RAB42: variants seen among roughly 807,000 people sequenced by gnomAD.
RAB42 encodes RAB42, member RAS oncogene family.
Under a neutral mutation model 7.5 loss-of-function variants are expected in RAB42, and 4 were observed. That is an observed-to-expected ratio of 0.53 (90% CI 0.26 to 1.22). The LOEUF (loss-of-function observed/expected upper bound fraction) is 1.22. Ranked by LOEUF, RAB42 falls within the 50% of genes most tolerant of loss-of-function variation. The pLI, the probability that RAB42 is intolerant of heterozygous loss-of-function variation, is 0.13. For synonymous variants in RAB42, 82 were observed against 129.0 expected, an observed-to-expected ratio of 0.64 and a Z score of 2.47; for missense variants, 208 against 281.2, an observed-to-expected ratio of 0.74 and a Z score of 1.86.
chr1:28,595,665 C>T (rs1023605651), downstream of RAB42, among the ~76,000 whole-genome samples: 3 of 151,948 alleles, frequency 2.0e-5, no homozygotes, highest in African/African-American at 7.3e-5. Context: ...CCAGCACTTT[C>T]GGAGGCCTAG....
chr1:28,594,252 AT>A lies in RAB42; in HGVS notation c.*139del. 1.1e-6 allele frequency: 1 copy of A among 943,206 alleles called. No individual in the cohort carries two copies. Among genetic ancestry groups the A allele is most frequent in the Non-Finnish European group, 1.5e-6 (1 of 651,088 alleles). The allele number at this position is 943,206 out of a possible 1,614,324, so 58.4% of individuals were successfully genotyped here. ...ATCCTGACACAGTCATGCTTCCTGG[AT>A]TTTGGAGTCGAGGCTTTCTACAGAA... On this transcript the variant is annotated 3_prime_UTR_variant, in exon 2 of 2. Coordinates refer to ENST00000465518, the MANE Select transcript of RAB42 (RefSeq NM_001193532.3).
At chr1:28,596,195 C>G (rs74987515), downstream of RAB42, among the ~76,000 whole-genome samples, 951 of 152,090 alleles carry the variant, frequency 6.3e-3, 12 homozygotes, top group Middle Eastern at 0.027. Flanking sequence ...TATCCATTAC[C>G]TCAGACATTT....
chr1:28,593,261 T>G (rs2124267603), intron 1 of RAB42, among the ~76,000 whole-genome samples: 1 of 151,900 alleles, frequency 6.6e-6, no homozygotes, highest in East Asian at 1.9e-4. Context: ...TGGGGTGCAG[T>G]GGTGCGATCT....
rs1043626355 is a variant in RAB42 at position 28,592,435 on chromosome 1, CCGGCGGGGCCCCGGGCAGGGGCGGGGT to C, written c.-73_-47del. On this transcript the variant is annotated 5_prime_UTR_variant, in exon 1 of 2. Transcript: ENST00000465518. This position sits in a 1 kb window ranked among gnomAD's most constrained non-coding sequence, Gnocchi z 4.1. ...TGGGCGCGGGGAGCGGGGGGCGGCG[CCGGCGGGGCCCCGGGCAGGGGCGGGGT>C]CGGGGCGCGGACAAAACCGCCGCGG... 3.1e-4 allele frequency: 220 copies of C among 712,662 alleles called. 2 individuals are homozygous for C. In the East Asian group the frequency reaches 1.0e-2, roughly 32 times the overall value. 44.1% of individuals were successfully genotyped at this position (712,662 alleles called of 1,614,324 possible). A position where few individuals can be genotyped will look rare whatever the true frequency, so the allele number is the denominator to read the frequency against.
In RAB42 at chr1:28,594,328, A is replaced by G. The variant is rs1666393002; in HGVS notation, c.*211A>G. On this transcript the variant is annotated 3_prime_UTR_variant, in exon 2 of 2. Transcript: ENST00000465518. ...GGTGGCTCACGCCTGTAATCCTAGC[A>G]TTTTTGGAGGCCAAGGACAGTGGAT... 1 of 558,054 alleles carries G rather than the reference A, an allele frequency of 1.8e-6. No individual in the cohort carries two copies. Among genetic ancestry groups the G allele is most frequent in the Non-Finnish European group, 3.1e-6 (1 of 319,842 alleles). 34.6% of individuals were successfully genotyped at this position (558,054 alleles called of 1,614,324 possible).
chr1:28,592,569 G>A lies in RAB42; in HGVS notation c.58G>A (p.Val20Met). The change falls in exon 1 of 2, where the codon GTG (valine) becomes ATG (methionine). Residue 20 changes from valine to methionine, a missense_variant. Coordinates refer to ENST00000465518, the MANE Select transcript of RAB42 (RefSeq NM_001193532.3). This position sits in a 1 kb window ranked among gnomAD's most constrained non-coding sequence, Gnocchi z 4.1. ...FRVALLGDAA[V>M]GKTSLLRSYV... The stretch of plus-strand genomic sequence containing the variant: ...GGTCGCGCTGCTGGGGGACGCGGCG[G>A]TGGGCAAGACGTCGCTGCTGCGGAG... 8.2e-7 allele frequency: 1 copy of A among 1,218,120 alleles called. No individual in the cohort carries two copies. Among genetic ancestry groups the A allele is most frequent in the Non-Finnish European group, 1.0e-6 (1 of 979,122 alleles). 75.5% of individuals were successfully genotyped at this position (1,218,120 alleles called of 1,614,324 possible). A position where few individuals can be genotyped will look rare whatever the true frequency, so the allele number is the denominator to read the frequency against.
rs1194504988 is a variant in RAB42 at position 28,592,622 on chromosome 1, G to C, written c.111G>C (p.Pro37=). The change falls in exon 1 of 2, where the codon CCG becomes CCC. Residue 37 remains proline (P), a synonymous_variant. Coordinates refer to ENST00000465518, the MANE Select transcript of RAB42 (RefSeq NM_001193532.3). This position sits in a 1 kb window ranked among gnomAD's most constrained non-coding sequence, Gnocchi z 4.1. The stretch of plus-strand genomic sequence containing the variant: ...ACGTGGCAGGCGCGCCTGGCGCCCC[G>C]GAGCCGGAGCCCGAGCCCGAGCCCA... ...RSYVAGAPGA[P]EPEPEPEPTV... The C allele has an allele frequency of 8.2e-7, 1 of 1,223,120 alleles. No individual in the cohort carries two copies. The highest frequency in any genetic ancestry group is 3.2e-5 in the East Asian group (1 of 31,040). 75.8% of individuals were successfully genotyped at this position (1,223,120 alleles called of 1,614,324 possible).
In RAB42 at chr1:28,594,885, G is replaced by A. The variant is rs1346763970; in HGVS notation, c.*768G>A. On this transcript the variant is annotated 3_prime_UTR_variant, in exon 2 of 2. Transcript: ENST00000465518. ...CTGATGCATGGGCAAAGGCAGGTGC[G>A]GGGAATTCCAGGGGGAGCTTGGCTT... 1.8e-5 allele frequency: 3 copies of A among 167,268 alleles called. No homozygotes were observed. Among genetic ancestry groups the A allele is most frequent in the East Asian group, 3.8e-4 (2 of 5,206 alleles). 10.4% of individuals were successfully genotyped at this position (167,268 alleles called of 1,614,324 possible).
In RAB42 at chr1:28,592,876, G is replaced by T. The variant is rs889776247; in HGVS notation, c.233+132G>T. 15 of 405,024 alleles carry T rather than the reference G, an allele frequency of 3.7e-5. No homozygotes were observed. Among genetic ancestry groups the T allele is most frequent in the Admixed American group, 3.1e-4 (7 of 22,364 alleles). 25.1% of individuals were successfully genotyped at this position (405,024 alleles called of 1,614,324 possible). ...GAGGTCCCTGCCCTGGGTCCCGCCC[G>T]GTCCACTGGGGCCAGAACCTCCCCT... On this transcript the variant is annotated intron_variant, in intron 1 of 1. Transcript: ENST00000465518. This position sits in a 1 kb window ranked among gnomAD's most constrained non-coding sequence, Gnocchi z 4.1.
chr1:28,592,613 T>C lies in RAB42; in HGVS notation c.102T>C (p.Pro34=). 8.2e-7 allele frequency: 1 copy of C among 1,221,514 alleles called. No homozygotes were observed. The highest frequency in any genetic ancestry group is 1.0e-6 in the Non-Finnish European group (1 of 981,342). 75.7% of individuals were successfully genotyped at this position (1,221,514 alleles called of 1,614,324 possible). ...SLLRSYVAGA[P]GAPEPEPEPE... is the part of the protein sequence containing the mutation. ...TGCGGAGCTACGTGGCAGGCGCGCC[T>C]GGCGCCCCGGAGCCGGAGCCCGAGC... The change falls in exon 1 of 2, where the codon CCT becomes CCC. Residue 34 remains proline, a synonymous_variant. Coordinates refer to ENST00000465518, the MANE Select transcript of RAB42 (RefSeq NM_001193532.3). This position sits in a 1 kb window ranked among gnomAD's most constrained non-coding sequence, Gnocchi z 4.1.
rs1265682522 is a variant in RAB42, at chr1:28,592,490, C to A, written c.-22C>A. The A allele has an allele frequency of 6.0e-6, 7 of 1,168,224 alleles. No individual in the cohort carries two copies. Among genetic ancestry groups the A allele is most frequent in the Non-Finnish European group, 7.4e-6 (7 of 940,744 alleles). 72.4% of individuals were successfully genotyped at this position (1,168,224 alleles called of 1,614,324 possible). A position where few individuals can be genotyped will look rare whatever the true frequency, so the allele number is the denominator to read the frequency against. On this transcript the variant is annotated 5_prime_UTR_variant, in exon 1 of 2. Coordinates refer to ENST00000465518, the MANE Select transcript of RAB42 (RefSeq NM_001193532.3). The surrounding 1 kb of genome is among the most constrained non-coding windows in gnomAD (Gnocchi z 4.1). Reference sequence around the variant, plus strand: ...GGGCGCGGACAAAACCGCCGCGGGGCGGCGGGGTGGCGGACGCGGCCATGG... The same window carrying A: ...GGGCGCGGACAAAACCGCCGCGGGGAGGCGGGGTGGCGGACGCGGCCATGG...
At chr1:28,596,143 C>G (rs940414990), downstream of RAB42, among the ~76,000 whole-genome samples, 5 of 151,618 alleles carry the variant, frequency 3.3e-5, no homozygotes, top group African/African-American at 1.2e-4. Context: ...TTTTTTTAAA[C>G]CCATAAAAAT....
chr1:28,593,169 C>T lies in RAB42; in HGVS notation c.233+425C>T, dbSNP rs61786025. Among the ~76,000 whole-genome samples the T allele has an allele frequency of 2.3e-3, 355 of 152,050 alleles. 1 individual carries two copies. Among genetic ancestry groups the T allele is most frequent in the Non-Finnish European group, 3.9e-3 (263 of 67,994 alleles). On this transcript the variant is annotated intron_variant, in intron 1 of 1. Coordinates refer to ENST00000465518, the MANE Select transcript of RAB42 (RefSeq NM_001193532.3). ...CTCCAAGAATGAGGGATTCAAGTCA[C>T]GCTTGCTCCCTAACTGGAGCACCCA... is the stretch of plus-strand genomic sequence containing the variant.
At chr1:28,596,296 C>G (rs1666432496), downstream of RAB42, among the ~76,000 whole-genome samples, 1 of 152,106 alleles carries the variant, frequency 6.6e-6, no homozygotes, top group Non-Finnish European at 1.5e-5. Flanking sequence ...CCCTGTTGTG[C>G]TATCAAATGT....
At position 28,595,330 on chromosome 1, in the gene RAB42, G is replaced by C. The variant is rs1306268449; in HGVS notation, c.*1213G>C. The stretch of plus-strand genomic sequence containing the variant: ...TATCAGTCTCTGTGGGCTTCATTGA[G>C]GACACTGTTGTGACATCATAGCCAA... On this transcript the variant is annotated 3_prime_UTR_variant, in exon 2 of 2. Coordinates refer to ENST00000465518, the MANE Select transcript of RAB42 (RefSeq NM_001193532.3). The C allele has an allele frequency of 6.0e-6, 1 of 167,096 alleles. No homozygotes were observed. Among genetic ancestry groups the C allele is most frequent in the African/African-American group, 2.4e-5 (1 of 41,432 alleles). 10.4% of individuals were successfully genotyped at this position (167,096 alleles called of 1,614,324 possible).
In RAB42 at chr1:28,592,732, A is replaced by G; in HGVS notation, c.221A>G (p.His74Arg). 1.6e-6 allele frequency: 2 copies of G among 1,228,478 alleles called. No homozygotes were observed. The highest frequency in any genetic ancestry group is 2.0e-6 in the Non-Finnish European group (2 of 985,512). The allele number at this position is 1,228,478 out of a possible 1,614,324, so 76.1% of individuals were successfully genotyped here. A position where few individuals can be genotyped will look rare whatever the true frequency, so the allele number is the denominator to read the frequency against. Residue 74 changes from histidine (H) to arginine (R), a missense_variant, in exon 1 of 2, where the codon CAC becomes CGC. By Grantham distance (29) the His-to-Arg change is conservative. Coordinates refer to ENST00000465518, the MANE Select transcript of RAB42 (RefSeq NM_001193532.3). This position sits in a 1 kb window ranked among gnomAD's most constrained non-coding sequence, Gnocchi z 4.1. ...CTGCAACTCTGGGACACCGCGGGCC[A>G]CGAGCGCTTCAGGTGCGGGTAGCCG... ...VKLQLWDTAG[H>R]ERFRCITRSF... is the part of the protein sequence containing the mutation.
rs1163008992 is a variant in RAB42 at position 28,594,123 on chromosome 1, G to C, written c.*6G>C. The C allele has an allele frequency of 6.4e-7, 1 of 1,568,960 alleles. No homozygotes were observed. Among genetic ancestry groups the C allele is most frequent in the African/African-American group, 1.4e-5 (1 of 73,940 alleles). On this transcript the variant is annotated 3_prime_UTR_variant, in exon 2 of 2. Transcript: ENST00000465518. The stretch of plus-strand genomic sequence containing the variant: ...CAGGCCCATGCCAGTGTTGACTCTA[G>C]GAGAGAAAGGGTTAAAGCAGTCCCA...
At chr1:28,593,209 C>A (rs1320675876) in intron 1 of RAB42, among the ~76,000 whole-genome samples, 1 of 145,542 alleles carries the variant, frequency 6.9e-6, no homozygotes, top group Admixed American at 6.9e-5. Context: ...TTTTTCTTTT[C>A]TTTTTTTTTT....
rs765050696 is a variant in RAB42 at position 28,593,980 on chromosome 1, G to A, written c.520G>A (p.Ala174Thr). The A allele has an allele frequency of 3.1e-6, 5 of 1,613,908 alleles. No individual in the cohort carries two copies. Among genetic ancestry groups the A allele is most frequent in the Non-Finnish European group, 4.2e-6 (5 of 1,179,870 alleles). The change falls in exon 2 of 2, where the codon GCT becomes ACT. Residue 174 changes from alanine to threonine, a missense_variant. By Grantham distance (58) the Ala-to-Thr change is moderately conservative (BLOSUM62 0). Transcript: ENST00000465518. ...CNVDLAFDTL[A>T]DAIQQALQQG... Reference sequence around the variant, plus strand: ...TGTGGACCTGGCCTTTGACACCCTCGCTGATGCTATCCAGCAGGCCCTGCA... The same window carrying A: ...TGTGGACCTGGCCTTTGACACCCTCACTGATGCTATCCAGCAGGCCCTGCA...
Sources: allele counts gnomAD v4.1 joint callset (sites outside exome capture counted in the v4.1 genomes callset), GRCh38; gene constraint gnomAD v4.1.1; non-coding constraint Gnocchi (gnomAD v3.1); transcripts MANE v1.5; gene names NCBI Gene and HGNC (gene_info 2026-07-23, HGNC 2026-07-21).